FTO: variants seen among roughly 807,000 people sequenced by gnomAD.
FTO encodes the protein FTO alpha-ketoglutarate dependent dioxygenase.
FTO carries 47 observed loss-of-function variants against 63.9 expected under a neutral mutation model. The observed-to-expected ratio is 0.74, with a 90% confidence interval of 0.58 to 0.94. The LOEUF (loss-of-function observed/expected upper bound fraction) is 0.94, where lower values mean the gene tolerates loss of function less well. Ranked by LOEUF, FTO falls within the 40% of genes least tolerant of loss-of-function variation. The pLI is 0.00. For synonymous variants in FTO, 207 were observed against 224.4 expected (o/e 0.92, Z 0.69); for missense variants, 562 against 618.1 (o/e 0.91, Z 0.96).
chr16:54,050,330 T>C (rs1221252000), intron 8 of FTO, among the ~76,000 whole-genome samples: 2 of 152,196 alleles, frequency 1.3e-5, no homozygotes, highest in Admixed American at 1.3e-4. Flanking sequence ...CCATAAGCCT[T>C]CTGTCATGCT....
chr16:53,962,170 A>G (rs950483748), intron 8 of FTO, among the ~76,000 whole-genome samples: 1 of 152,190 alleles, frequency 6.6e-6, no homozygotes, highest in Non-Finnish European at 1.5e-5. Context: ...GGTAGATTGC[A>G]TAGAAGATCA....
At chr16:53,780,348 G>C (rs28623715) in intron 1 of FTO, among the ~76,000 whole-genome samples, 4,445 of 152,200 alleles carry the variant, frequency 0.029, 84 homozygotes, top group South Asian at 0.08. Context: ...CTTGTGATTT[G>C]TGTCTTGCCT....
At chr16:54,031,980 C>A (rs1285608119) in intron 8 of FTO, among the ~76,000 whole-genome samples, 1 of 152,098 alleles carries the variant, frequency 6.6e-6, no homozygotes, top group Non-Finnish European at 1.5e-5. Flanking sequence ...AGCTATCTGG[C>A]TGAAACAGAA....
At chr16:54,007,282 T>C (rs1484739041) in intron 8 of FTO, among the ~76,000 whole-genome samples, 1 of 152,108 alleles carries the variant, frequency 6.6e-6, no homozygotes, top group Non-Finnish European at 1.5e-5. Flanking sequence ...ATTGTGTACA[T>C]GTACCCTAAA....
At chr16:53,746,893 A>G (rs1006312112) in intron 1 of FTO, among the ~76,000 whole-genome samples, 4 of 152,004 alleles carry the variant, frequency 2.6e-5, no homozygotes, top group African/African-American at 4.8e-5. Flanking sequence ...CCACCATTCT[A>G]TTCTTTGCTT....
intron 5 of FTO, among the ~76,000 whole-genome samples, chr16:53,878,918 A>C (rs767254412): frequency 6.6e-6 from 1 of 152,240 alleles, no homozygotes; most frequent in Non-Finnish European, 1.5e-5. Flanking sequence ...TATTTGAAGA[A>C]TCTATTCTGC....
intron 1 of FTO, among the ~76,000 whole-genome samples, chr16:53,731,042 G>T (rs2076259244): frequency 6.6e-6 from 1 of 152,202 alleles, no homozygotes; most frequent in Non-Finnish European, 1.5e-5. Flanking sequence ...ATATTGCCAA[G>T]TTGCCTTATG....
chr16:54,087,493 T>C (rs2086277426), intron 8 of FTO, among the ~76,000 whole-genome samples: 1 of 152,114 alleles, frequency 6.6e-6, no homozygotes, highest in Non-Finnish European at 1.5e-5. Flanking sequence ...GCAAGGAATG[T>C]TGTAAATTCT....
chr16:53,829,568 G>C (rs1399376963), intron 3 of FTO, among the ~76,000 whole-genome samples: 1 of 152,254 alleles, frequency 6.6e-6, no homozygotes, highest in Non-Finnish European at 1.5e-5. Flanking sequence ...AGGTGGACTT[G>C]AAGAGAATCA....
intron 1 of FTO, among the ~76,000 whole-genome samples, chr16:53,715,896 T>A (rs1005547004): frequency 7.2e-5 from 11 of 152,204 alleles, no homozygotes; most frequent in Non-Finnish European, 1.5e-4. Context: ...ACTTAATTAG[T>A]GTACCCTTTG....
At chr16:53,851,720 T>C (rs184250775) in intron 4 of FTO, among the ~76,000 whole-genome samples, 1 of 152,238 alleles carries the variant, frequency 6.6e-6, no homozygotes, top group East Asian at 1.9e-4. Flanking sequence ...TTGTACATAA[T>C]ATGTGCTGGA....
chr16:53,853,315 A>T (rs2079870672), intron 4 of FTO, among the ~76,000 whole-genome samples: 1 of 152,108 alleles, frequency 6.6e-6, no homozygotes, highest in Admixed American at 6.5e-5. Flanking sequence ...AAGAAAAAAA[A>T]ATGTATTTTA....
chr16:53,904,866 C>G (rs2081497389), intron 7 of FTO, among the ~76,000 whole-genome samples: 1 of 152,050 alleles, frequency 6.6e-6, no homozygotes, highest in Non-Finnish European at 1.5e-5. Flanking sequence ...GACTCATTCT[C>G]TGCTCTGGGC....
chr16:53,713,719 T>G (rs2075829587), intron 1 of FTO, among the ~76,000 whole-genome samples: 1 of 152,196 alleles, frequency 6.6e-6, no homozygotes, highest in East Asian at 1.9e-4. Context: ...TAAAAAAATG[T>G]ATTTTATTAT....
chr16:54,034,075 TAGC>T (rs770311439), intron 8 of FTO: 1 of 152,192 alleles, frequency 6.6e-6, no homozygotes, highest in Non-Finnish European at 1.5e-5. Context: ...CGGGAAAGTG[TAGC>T]AGTACTTGCC....
intron 8 of FTO, among the ~76,000 whole-genome samples, chr16:54,015,636 T>A (rs2084426420): frequency 6.6e-6 from 1 of 152,184 alleles, no homozygotes; most frequent in African/African-American, 2.4e-5. Flanking sequence ...ACTTAACCAA[T>A]AACATGAGTA....
intron 1 of FTO, among the ~76,000 whole-genome samples, chr16:53,789,899 A>ATG (rs2077857405): frequency 6.9e-6 from 1 of 145,944 alleles, no homozygotes. Flanking sequence ...ATATACGTAT[A>ATG]TATATACAAA....
At chr16:54,101,163 G>T (rs2086635097) in intron 8 of FTO, among the ~76,000 whole-genome samples, 1 of 151,368 alleles carries the variant, frequency 6.6e-6, no homozygotes, top group Non-Finnish European at 1.5e-5. Flanking sequence ...AGGGGTATGT[G>T]TGGAGGTTTG....
chr16:53,783,434 C>T (rs1232174401), intron 1 of FTO, among the ~76,000 whole-genome samples: 6 of 151,796 alleles, frequency 4.0e-5, no homozygotes, highest in African/African-American at 1.2e-4. Flanking sequence ...GGTGAAACCC[C>T]GTCTCTACTA....
Sources: allele counts gnomAD v4.1 joint callset (sites outside exome capture counted in the v4.1 genomes callset), GRCh38; gene constraint gnomAD v4.1.1; transcripts MANE v1.5; gene names NCBI Gene and HGNC (gene_info 2026-07-23, HGNC 2026-07-21).